CATSPERE: variants seen among roughly 807,000 people sequenced by gnomAD.
The protein encoded by CATSPERE is catsper channel auxiliary subunit epsilon, also known as cation channel sperm-associated auxiliary subunit epsilon.
A neutral mutation model predicts 114.1 loss-of-function variants in CATSPERE; 93 were observed. The observed-to-expected ratio is 0.81, with a 90% CI of 0.69 to 0.97. The LOEUF (loss-of-function observed/expected upper bound fraction) is 0.97. Ranked by LOEUF, CATSPERE falls within the 50% of genes least tolerant of loss-of-function variation. The pLI is 0.00. For missense variants in CATSPERE, 1,058 were observed against 1,131.6 expected (o/e 0.93, Z 0.93); for synonymous variants, 341 against 384.1 (o/e 0.89, Z 1.31).
At chr1:244,574,936 T>C (rs527290625) in intron 11 of CATSPERE, among the ~76,000 whole-genome samples, 12 of 152,374 alleles carry the variant, frequency 7.9e-5, no homozygotes, top group African/African-American at 2.9e-4. Context: ...ACTTTCTGAC[T>C]TCTTTTTACA....
rs750733816 is a variant in CATSPERE, at chr1:244,518,706, AT to A, written c.536+16del. On this transcript the variant is annotated intron_variant, in intron 8 of 21. Transcript: ENST00000366534. Reference sequence around the variant, plus strand: ...TGAGAAAATGAGAAGGGGGTATTTAATTTTTTTTAATTTTAAATATAGAAAT... The same window carrying A: ...TGAGAAAATGAGAAGGGGGTATTTAATTTTTTTAATTTTAAATATAGAAAT... 87 of 1,350,820 alleles carry A rather than the reference AT, an allele frequency of 6.4e-5. No individual in the cohort carries two copies. The highest frequency in any genetic ancestry group is 6.0e-5 in the African/African-American group (4 of 66,864). 83.7% of individuals were successfully genotyped at this position (1,350,820 alleles called of 1,614,324 possible).
intron 10 of CATSPERE, among the ~76,000 whole-genome samples, chr1:244,562,160 A>G (rs1662668315): frequency 6.6e-6 from 1 of 151,534 alleles, no homozygotes; most frequent in African/African-American, 2.4e-5. Context: ...TCTCAAAAAA[A>G]AAAAAAAAAA....
chr1:244,463,882 T>A, intron 1 of CATSPERE, 26 bp from the exon 2 acceptor site: 1 of 1,563,886 alleles, frequency 6.4e-7, no homozygotes, highest in Non-Finnish European at 8.8e-7. Flanking sequence ...AGTTTTAATA[T>A]TTATACTTGG....
Position 244,594,286 on chromosome 1 carries a change from C to T in CATSPERE, c.2303+708C>T, listed in dbSNP as rs1308882084. Among the ~76,000 whole-genome samples the T allele has an allele frequency of 2.6e-5, 4 of 152,172 alleles. No individual in the cohort carries two copies. In the East Asian group the frequency reaches 7.7e-4, roughly 29 times the overall value. On this transcript the variant is annotated intron_variant, in intron 17 of 21. Transcript: ENST00000366534. ...AGTGAGCCAAGATTGCACCACTGCA[C>T]TCCAGCCTGGGCAACAGAGTGAGAC...
At chr1:244,602,055 G>T (rs1057214304) in intron 17 of CATSPERE, among the ~76,000 whole-genome samples, 1 of 152,030 alleles carries the variant, frequency 6.6e-6, no homozygotes, top group Non-Finnish European at 1.5e-5. Context: ...GAGGTCAAGG[G>T]GCAGATGAGA....
chr1:244,599,504 A>G (rs887702852), intron 17 of CATSPERE, among the ~76,000 whole-genome samples: 1 of 152,230 alleles, frequency 6.6e-6, no homozygotes, highest in Non-Finnish European at 1.5e-5. Context: ...TACAGACCCA[A>G]GTCATCACCA....
intron 8 of CATSPERE, among the ~76,000 whole-genome samples, chr1:244,536,249 A>G (rs1306493863): frequency 1.3e-5 from 2 of 151,856 alleles, no homozygotes; most frequent in African/African-American, 4.8e-5. Context: ...CAAGCACTCC[A>G]TTAGCTACCC....
At position 244,504,977 on chromosome 1, in the gene CATSPERE, C is replaced by A. The variant is rs998078208; in HGVS notation, c.429+5898C>A. Among the ~76,000 whole-genome samples the A allele has an allele frequency of 6.6e-5, 10 of 152,250 alleles. No individual in the cohort carries two copies. Among genetic ancestry groups the A allele is most frequent in the African/African-American group, 1.9e-4 (8 of 41,556 alleles). On this transcript the variant is annotated intron_variant, in intron 7 of 21. Coordinates refer to ENST00000366534, the MANE Select transcript of CATSPERE (RefSeq NM_001130957.2). The surrounding 1 kb of genome is among the most constrained non-coding windows in gnomAD (Gnocchi z 4.1). ...TTATTTTATGGCAAACTTGTCTTAT[C>A]CCTGATTTATTTATTTACTTATTCA...
At chr1:244,567,379 T>G (rs1663754459) in intron 10 of CATSPERE, among the ~76,000 whole-genome samples, 1 of 152,200 alleles carries the variant, frequency 6.6e-6, no homozygotes, top group East Asian at 1.9e-4. Flanking sequence ...TTTCCTGAAT[T>G]TGAATGTTGG....
chr1:244,537,443 T>C (rs1366326095), intron 8 of CATSPERE, among the ~76,000 whole-genome samples: 1 of 152,208 alleles, frequency 6.6e-6, no homozygotes, highest in Non-Finnish European at 1.5e-5. Flanking sequence ...TCCTTTCTTG[T>C]GATGTCTTTG....
intron 13 of CATSPERE, among the ~76,000 whole-genome samples, chr1:244,584,562 G>A (rs1166404479): frequency 7.1e-6 from 1 of 140,196 alleles, no homozygotes. Flanking sequence ...ATAGTATTGT[G>A]AAATTCAACA....
In CATSPERE at chr1:244,598,854, C is replaced by T. The variant is rs567615702; in HGVS notation, c.2303+5276C>T. ...TTCTCTTTGAATGTCATCATCCAGTCACATGGGCCAGGATGTCTCAATATA... is the reference window on the plus strand; with the variant it reads ...TTCTCTTTGAATGTCATCATCCAGTTACATGGGCCAGGATGTCTCAATATA... On this transcript the variant is annotated intron_variant, in intron 17 of 21. Transcript: ENST00000366534. Among the ~76,000 whole-genome samples the T allele has an allele frequency of 2.6e-5, 4 of 152,124 alleles. No homozygotes were observed. The East Asian group carries it at 7.8e-4, about 29-fold the overall frequency.
intron 2 of CATSPERE, among the ~76,000 whole-genome samples, chr1:244,471,508 A>G (rs537161487): frequency 7.6e-4 from 116 of 152,304 alleles, no homozygotes; most frequent in African/African-American, 2.6e-3. Context: ...CCTCACCCCA[A>G]AAAGTTTCAT....
intron 6 of CATSPERE, among the ~76,000 whole-genome samples, chr1:244,495,899 G>GT (rs1673008199): frequency 6.6e-6 from 1 of 152,184 alleles, no homozygotes; most frequent in Admixed American, 6.5e-5. Context: ...AACAGCCCAA[G>GT]AGATTCGGAA....
At chr1:244,471,457 A>G (rs1441403227) in intron 2 of CATSPERE, among the ~76,000 whole-genome samples, 1 of 152,210 alleles carries the variant, frequency 6.6e-6, no homozygotes, top group African/African-American at 2.4e-5. Context: ...CAATGCATAC[A>G]GTTGCGTTAT....
chr1:244,576,735 T>G (rs1006950437), intron 11 of CATSPERE, among the ~76,000 whole-genome samples: 9 of 152,126 alleles, frequency 5.9e-5, no homozygotes, highest in Non-Finnish European at 1.3e-4. Flanking sequence ...CAGTTTCTGT[T>G]CCCCACCTTC....
Position 244,593,936 on chromosome 1 carries a change from T to C in CATSPERE, c.2303+358T>C, listed in dbSNP as rs147907816. Among the ~76,000 whole-genome samples the C allele has an allele frequency of 2.4e-3, 365 of 152,264 alleles. 1 individual carries two copies. The highest frequency in any genetic ancestry group is 8.4e-3 in the African/African-American group (350 of 41,558). On this transcript the variant is annotated intron_variant, in intron 17 of 21. Transcript: ENST00000366534. ...TATAACTTCTCTTTCCACAAGCCAA[T>C]AATAAATGAAAGCTTATAAGGAAAG...
At chr1:244,482,297 C>T (rs917166544) in intron 5 of CATSPERE, among the ~76,000 whole-genome samples, 1 of 151,908 alleles carries the variant, frequency 6.6e-6, no homozygotes, top group African/African-American at 2.4e-5. Context: ...CAAGACTTGT[C>T]TCTACAAAAA....
intron 21 of CATSPERE, 102 bp from the exon 22 acceptor site, chr1:244,639,826 C>A: frequency 9.2e-7 from 1 of 1,084,252 alleles, no homozygotes; most frequent in Non-Finnish European, 1.3e-6. Flanking sequence ...TGCTCTCTGT[C>A]AATGGCATAG....
Sources: gnomAD v4.1 joint callset for allele counts (sites outside exome capture counted in the v4.1 genomes callset) on GRCh38, gnomAD v4.1.1 for gene constraint, Gnocchi (gnomAD v3.1) non-coding constraint, MANE v1.5 for transcripts, NCBI Gene and HGNC (gene_info 2026-07-23, HGNC 2026-07-21) for gene names.